RELN: variants seen among roughly 807,000 people sequenced by gnomAD.
RELN encodes reelin.
A neutral mutation model predicts 427.6 loss-of-function variants in RELN; 108 were observed. The observed-to-expected ratio is 0.25, with a 90% CI of 0.22 to 0.30. The LOEUF (loss-of-function observed/expected upper bound fraction) is 0.30. Ranked by LOEUF, RELN falls within the 10% of genes least tolerant of loss-of-function variation. The pLI is 1.00. For missense variants in RELN, 3,715 were observed against 4,302.8 expected (o/e 0.86, Z 3.82); for synonymous variants, 1,524 against 1,513.4 (o/e 1.01, Z -0.16).
chr7:103,903,047 A>G (rs1177088489), intron 2 of RELN, among the ~76,000 whole-genome samples: 1 of 152,208 alleles, frequency 6.6e-6, no homozygotes, highest in Non-Finnish European at 1.5e-5. Context: ...CTCATTCATC[A>G]TTATCTGGAA....
chr7:103,773,555 C>T (rs549205116), intron 4 of RELN, among the ~76,000 whole-genome samples: 34 of 151,734 alleles, frequency 2.2e-4, no homozygotes, highest in African/African-American at 6.5e-4. Context: ...CTGCAACCTC[C>T]GCCTCCCAGG....
intron 45 of RELN, 25 bp downstream of exon 45, chr7:103,539,053 C>G: frequency 1.2e-6 from 2 of 1,613,354 alleles, no homozygotes; most frequent in Non-Finnish European, 1.7e-6. Flanking sequence ...ATGCCTGTCC[C>G]TCTATCTGGA....
intron 1 of RELN, among the ~76,000 whole-genome samples, chr7:103,932,352 CA>C (rs971437826): frequency 2.0e-5 from 3 of 152,180 alleles, no homozygotes; most frequent in Admixed American, 6.5e-5. Context: ...CACATGAACA[CA>C]AAGATGGGAA....
Position 103,721,036 on chromosome 7 carries a change from A to G in RELN, c.805+2104T>C, listed in dbSNP as rs577416910. 9.1e-4 allele frequency among the ~76,000 whole-genome samples: 139 copies of G among 152,304 alleles called. 1 individual carries two copies. The highest frequency in any genetic ancestry group is 1.3e-3 in the Non-Finnish European group (88 of 68,024). On this transcript the variant is annotated intron_variant, in intron 8 of 64. Transcript: ENST00000428762. ...CAAAGTGTAGTAAGTAAATTCACCA[A>G]TGAAGTTTATAAACAATAAATTACA... is the stretch of plus-strand genomic sequence containing the variant.
chr7:103,962,306 C>T (rs1052056899), intron 1 of RELN, among the ~76,000 whole-genome samples: 1 of 152,154 alleles, frequency 6.6e-6, no homozygotes, highest in Non-Finnish European at 1.5e-5. Flanking sequence ...GAACACATTC[C>T]TCTCAACCCC....
intron 1 of RELN, among the ~76,000 whole-genome samples, chr7:103,978,898 C>T (rs1252686625): frequency 6.6e-6 from 1 of 152,218 alleles, no homozygotes; most frequent in Non-Finnish European, 1.5e-5. Flanking sequence ...CTACCCTCCC[C>T]ACCCTGGAGG....
chr7:103,486,449 T>C (rs767169097), intron 60 of RELN, 33 bp from the exon 61 acceptor site: 1 of 1,500,872 alleles, frequency 6.7e-7, no homozygotes, highest in Non-Finnish European at 9.3e-7. Flanking sequence ...AGAAATTAAG[T>C]GGACCAACCA....
At chr7:103,885,888 T>G (rs1267287631) in intron 2 of RELN, among the ~76,000 whole-genome samples, 2 of 152,190 alleles carry the variant, frequency 1.3e-5, no homozygotes, top group African/African-American at 4.8e-5. Flanking sequence ...GTGTCCAACC[T>G]AAAGTGCTTT....
At chr7:103,747,327 C>T (rs144832625) in intron 6 of RELN, among the ~76,000 whole-genome samples, 1 of 151,918 alleles carries the variant, frequency 6.6e-6, no homozygotes, top group African/African-American at 2.4e-5. Context: ...GACAACTTAA[C>T]GGGTGCAGCA....
rs1347942501 is a variant in RELN, at chr7:103,723,220, G to A, written c.754-29C>T. 2.9e-6 allele frequency: 4 copies of A among 1,387,890 alleles called. No individual in the cohort carries two copies. The African/African-American group carries it at 5.7e-5, about 20-fold the overall frequency. The allele number at this position is 1,387,890 out of a possible 1,614,324, so 86.0% of individuals were successfully genotyped here. A position where few individuals can be genotyped will look rare whatever the true frequency, so the allele number is the denominator to read the frequency against. On this transcript the variant is annotated intron_variant, in intron 7 of 64. Coordinates refer to ENST00000428762, the MANE Select transcript of RELN (RefSeq NM_005045.4). ...AAGAAAAAAGAATACATAAAAATAA[G>A]ACAAGACAGAGAGGAGAAAGAGGAG...
chr7:103,674,273 C>G (rs1408977846), intron 11 of RELN, among the ~76,000 whole-genome samples: 1 of 152,190 alleles, frequency 6.6e-6, no homozygotes, highest in Non-Finnish European at 1.5e-5. Context: ...TCTAATTTCA[C>G]AAATGCAGTG....
At chr7:103,864,681 A>C (rs1461494928) in intron 2 of RELN, among the ~76,000 whole-genome samples, 1 of 152,172 alleles carries the variant, frequency 6.6e-6, no homozygotes, top group Non-Finnish European at 1.5e-5. Context: ...GGGCAAACTA[A>C]GGCTAAAGTT....
intron 1 of RELN, among the ~76,000 whole-genome samples, chr7:103,934,019 G>T (rs73715914): frequency 6.6e-6 from 1 of 152,048 alleles, no homozygotes; most frequent in Non-Finnish European, 1.5e-5. Flanking sequence ...AAAAATCTTC[G>T]GTTCTTGTTC....
chr7:103,505,195 T>G (rs1829168394), intron 51 of RELN, among the ~76,000 whole-genome samples: 1 of 152,138 alleles, frequency 6.6e-6, no homozygotes, highest in Non-Finnish European at 1.5e-5. Context: ...AGCGGTTCTC[T>G]CAGCACAGCA....
chr7:103,986,595 G>C, intron 1 of RELN, among the ~76,000 whole-genome samples: 1 of 136,380 alleles, frequency 7.3e-6, no homozygotes, highest in African/African-American at 2.8e-5. Context: ...GTGCTATTGT[G>C]CACACCACCT....
In RELN at chr7:103,574,379, A is replaced by G. The variant is rs564838752; in HGVS notation, c.4304-80T>C. ...GGTCTATTCAACACATGGGCAAAGG[A>G]AGAATGTCCATAGGGATTAACATTA... On this transcript the variant is annotated intron_variant, in intron 29 of 64. Coordinates refer to ENST00000428762, the MANE Select transcript of RELN (RefSeq NM_005045.4). 5 of 1,154,456 alleles carry G rather than the reference A, an allele frequency of 4.3e-6. No individual in the cohort carries two copies. In the Admixed American group the frequency reaches 7.4e-5, roughly 17 times the overall value. 71.5% of individuals were successfully genotyped at this position (1,154,456 alleles called of 1,614,324 possible). A position where few individuals can be genotyped will look rare whatever the true frequency, so the allele number is the denominator to read the frequency against.
rs111837170 is a variant in RELN at position 103,630,618 on chromosome 7, C to T, written c.2466-442G>A. Among the ~76,000 whole-genome samples the T allele has an allele frequency of 5.9e-3, 891 of 152,244 alleles. 6 individuals are homozygous for T. The highest frequency in any genetic ancestry group is 0.02 in the African/African-American group (837 of 41,540). On this transcript the variant is annotated intron_variant, in intron 19 of 64. Coordinates refer to ENST00000428762, the MANE Select transcript of RELN (RefSeq NM_005045.4). ...TGGGGAAGAAAATTAAGAATAATAT[C>T]TAATTTCCAGGAGCGATTATTGTAC... is the stretch of plus-strand genomic sequence containing the variant.
chr7:103,862,361 G>A (rs191989911), intron 2 of RELN, among the ~76,000 whole-genome samples: 1 of 151,988 alleles, frequency 6.6e-6, no homozygotes, highest in Admixed American at 6.6e-5. Flanking sequence ...TGTAATTTTG[G>A]TATTGGCCAT....
At chr7:103,971,546 C>T (rs1314560528) in intron 1 of RELN, among the ~76,000 whole-genome samples, 1 of 152,084 alleles carries the variant, frequency 6.6e-6, no homozygotes, top group Non-Finnish European at 1.5e-5. Context: ...TCTTTTTAAA[C>T]CTATAGATAT....
Sources: gnomAD v4.1 joint callset for allele counts (sites outside exome capture counted in the v4.1 genomes callset) on GRCh38, gnomAD v4.1.1 for gene constraint, MANE v1.5 for transcripts, NCBI Gene and HGNC (gene_info 2026-07-23, HGNC 2026-07-21) for gene names.